Variants in GALR3 observed in about 807,000 individuals in gnomAD.
GALR3 encodes the protein galanin receptor type 3.
Under a neutral mutation model 6.9 loss-of-function variants are expected in GALR3, and 5 were observed. The observed-to-expected ratio is 0.72, with a 90% CI of 0.38 to 1.52. The LOEUF is 1.52. Ranked by LOEUF, GALR3 falls within the 40% of genes most tolerant of loss-of-function variation. The pLI is 0.03. For missense variants in GALR3, 570 were observed against 545.6 expected, an observed-to-expected ratio of 1.04 and a Z score of -0.44; for synonymous variants, 308 against 263.6, an observed-to-expected ratio of 1.17 and a Z score of -1.63.
chr22:37,823,440 C>T lies in GALR3; in HGVS notation c.34C>T (p.Pro12Ser). 6.2e-7 allele frequency: 1 copy of T among 1,608,640 alleles called. No homozygotes were observed. The highest frequency in any genetic ancestry group is 8.5e-7 in the Non-Finnish European group (1 of 1,176,432). ...ADAQNISLDS[P>S]GSVGAVAVPV... Reference sequence around the variant, plus strand: ...TGCCCAGAACATTTCACTGGACAGCCCAGGGAGTGTGGGGGCCGTGGCAGT... The same window carrying T: ...TGCCCAGAACATTTCACTGGACAGCTCAGGGAGTGTGGGGGCCGTGGCAGT... Residue 12 changes from proline to serine, a missense_variant, in exon 1 of 2, where the codon CCA becomes TCA. By Grantham distance (74) the Pro-to-Ser change is moderately conservative. Coordinates refer to ENST00000249041, the MANE Select transcript of GALR3 (RefSeq NM_003614.2).
rs1922587000 is a variant in GALR3 at position 37,825,437 on chromosome 22, C to G, written c.1074C>G (p.Val358=). 7.2e-7 allele frequency: 1 copy of G among 1,390,770 alleles called. No homozygotes were observed. Among genetic ancestry groups the G allele is most frequent in the Non-Finnish European group, 9.3e-7 (1 of 1,069,960 alleles). The allele number at this position is 1,390,770 out of a possible 1,614,324, so 86.2% of individuals were successfully genotyped here. ...GCCCGGAGCCCAGGGAGGGACCCGT[C>G]CACGGCGGAGAGGCTGCCCGAGGAC... ...GQGPEPREGP[V]HGGEAARGPE is the part of the protein sequence containing the mutation. Residue 358 remains valine, a synonymous_variant, in exon 2 of 2, where the codon GTC becomes GTG. Transcript: ENST00000249041.
intron 1 of GALR3, among the ~76,000 whole-genome samples, chr22:37,824,339 G>T (rs1273753931): frequency 6.6e-6 from 1 of 151,842 alleles, no homozygotes; most frequent in Non-Finnish European, 1.5e-5. Context: ...CCAAGTGCTG[G>T]GATTACAGGC....
chr22:37,824,272 T>C (rs1318345084), intron 1 of GALR3, among the ~76,000 whole-genome samples: 1 of 152,022 alleles, frequency 6.6e-6, no homozygotes, highest in Non-Finnish European at 1.5e-5. Flanking sequence ...GGTTTTGCCA[T>C]GTTGGACAGG....
At position 37,825,352 on chromosome 22, in the gene GALR3, C is replaced by T. The variant is rs1447606274; in HGVS notation, c.989C>T (p.Pro330Leu). The change falls in exon 2 of 2, where the codon CCA (proline) becomes CTA (leucine). Residue 330 changes from proline to leucine, a missense_variant. Physicochemically the swap from Pro to Leu is moderately conservative, Grantham distance 98. Coordinates refer to ENST00000249041, the MANE Select transcript of GALR3 (RefSeq NM_003614.2). The part of the protein sequence containing the change: ...LRRVRPASSG[P>L]PGCPGDARPS... Reference sequence around the variant, plus strand: ...CGCGTCCGCCCCGCGTCCTCGGGCCCACCCGGCTGCCCCGGAGACGCCCGG... The same window carrying T: ...CGCGTCCGCCCCGCGTCCTCGGGCCTACCCGGCTGCCCCGGAGACGCCCGG... 1.9e-5 allele frequency: 25 copies of T among 1,333,166 alleles called. No individual in the cohort carries two copies. The highest frequency in any genetic ancestry group is 2.1e-5 in the Non-Finnish European group (22 of 1,038,746). 82.6% of individuals were successfully genotyped at this position (1,333,166 alleles called of 1,614,324 possible).
intron 1 of GALR3, 27 bp from the exon 2 acceptor site, chr22:37,824,696 G>A (rs977897951): frequency 9.4e-5 from 112 of 1,186,140 alleles, no homozygotes; most frequent in Middle Eastern, 3.4e-4. Flanking sequence ...GCACCTGCCC[G>A]CCCCGCTGAC....
In GALR3 at chr22:37,825,050, G is replaced by A. The variant is rs899894332; in HGVS notation, c.687G>A (p.Ala229=). 8.8e-7 allele frequency: 1 copy of A among 1,139,824 alleles called. No individual in the cohort carries two copies. 70.6% of individuals were successfully genotyped at this position (1,139,824 alleles called of 1,614,324 possible). A position where few individuals can be genotyped will look rare whatever the true frequency, so the allele number is the denominator to read the frequency against. Residue 229 remains alanine (A), a synonymous_variant, in exon 2 of 2, where the codon GCG becomes GCA. Transcript: ENST00000249041. The part of the protein sequence containing the change: ...GAAAAEARRR[A]TGRAGRAMLA... ...CGGCGGCCGAGGCGCGGCGGAGGGC[G>A]ACGGGCCGCGCGGGGCGCGCCATGC... is the stretch of plus-strand genomic sequence containing the variant.
rs1601710414 is a variant in GALR3 at position 37,825,451 on chromosome 22, C to A, written c.1088C>A (p.Ala363Asp). 2 of 1,377,406 alleles carry A rather than the reference C, an allele frequency of 1.5e-6. No homozygotes were observed. The highest frequency in any genetic ancestry group is 1.6e-5 in the South Asian group (1 of 62,726). 85.3% of individuals were successfully genotyped at this position (1,377,406 alleles called of 1,614,324 possible). The change falls in exon 2 of 2, where the codon GCT (alanine) becomes GAT (aspartate). Residue 363 changes from alanine (A) to aspartate (D), a missense_variant. Ala to Asp is a moderately radical substitution (Grantham distance 126). Coordinates refer to ENST00000249041, the MANE Select transcript of GALR3 (RefSeq NM_003614.2). ...PREGPVHGGEAARGPE is the reference protein window; with the variant it reads ...PREGPVHGGEDARGPE ...GAGGGACCCGTCCACGGCGGAGAGG[C>A]TGCCCGAGGACCGGAATAAACCCTG...
chr22:37,824,870 G>A lies in GALR3; in HGVS notation c.507G>A (p.Leu169=), dbSNP rs1356456779. ...ACGGCACCGTGCGCTACGGCGCGCT[G>A]GAGCTCTGCGTGCCCGCCTGGGAGG... ...SYYGTVRYGA[L]ELCVPAWEDA... The change falls in exon 2 of 2, where the codon CTG becomes CTA. Residue 169 remains leucine (L), a synonymous_variant. Coordinates refer to ENST00000249041, the MANE Select transcript of GALR3 (RefSeq NM_003614.2). 1 of 1,404,202 alleles carries A rather than the reference G, an allele frequency of 7.1e-7. No homozygotes were observed. The highest frequency in any genetic ancestry group is 9.3e-7 in the Non-Finnish European group (1 of 1,074,830). The allele number at this position is 1,404,202 out of a possible 1,614,324, so 87.0% of individuals were successfully genotyped here. A position where few individuals can be genotyped will look rare whatever the true frequency, so the allele number is the denominator to read the frequency against.
chr22:37,824,629 A>G, intron 1 of GALR3, 94 bp from the exon 2 acceptor site: 1 of 705,422 alleles, frequency 1.4e-6, no homozygotes, highest in Non-Finnish European at 1.9e-6. Context: ...GGTTCACAGG[A>G]GGCGCACTGG....
chr22:37,825,270 C>T lies in GALR3; in HGVS notation c.907C>T (p.Arg303Cys). Residue 303 changes from arginine (R) to cysteine (C), a missense_variant, in exon 2 of 2, where the codon CGC (arginine) becomes TGC (cysteine). Arg to Cys is a radical substitution (Grantham distance 180, BLOSUM62 -3). Coordinates refer to ENST00000249041, the MANE Select transcript of GALR3 (RefSeq NM_003614.2). ...LASRHFRARF[R>C]RLWPCGRRRR... ...CTCGCGCCACTTCCGCGCGCGCTTCCGCCGCCTGTGGCCGTGCGGCCGCCG... is the reference window on the plus strand; with the variant it reads ...CTCGCGCCACTTCCGCGCGCGCTTCTGCCGCCTGTGGCCGTGCGGCCGCCG... 1 of 1,394,146 alleles carries T rather than the reference C, an allele frequency of 7.2e-7. No individual in the cohort carries two copies. The highest frequency in any genetic ancestry group is 9.4e-7 in the Non-Finnish European group (1 of 1,065,848). 86.4% of individuals were successfully genotyped at this position (1,394,146 alleles called of 1,614,324 possible).
At position 37,824,791 on chromosome 22, in the gene GALR3, T is replaced by G. The variant is rs1281543754; in HGVS notation, c.428T>G (p.Val143Gly). ...ACGCCGCGTAACGCCCGCGCCGCAGTGGGGCTGGTGTGGCTGCTGGCGGCG... is the reference window on the plus strand; with the variant it reads ...ACGCCGCGTAACGCCCGCGCCGCAGGGGGGCTGGTGTGGCTGCTGGCGGCG... ...LRTPRNARAA[V>G]GLVWLLAALF... Residue 143 changes from valine to glycine, a missense_variant, in exon 2 of 2, where the codon GTG becomes GGG. By Grantham distance (109) the Val-to-Gly change is moderately radical. Transcript: ENST00000249041. The G allele has an allele frequency of 1.5e-6, 2 of 1,332,438 alleles. No individual in the cohort carries two copies. Among genetic ancestry groups the G allele is most frequent in the Non-Finnish European group, 1.9e-6 (2 of 1,040,114 alleles). 82.5% of individuals were successfully genotyped at this position (1,332,438 alleles called of 1,614,324 possible).
rs756678102 is a variant in GALR3, at chr22:37,825,326, T to TCGCGTCCGCCC, written c.971_981dup (p.Ser328AlafsTer?). ...GCCACCGTGCCCGCCGCGCCTTGCG[T>TCGCGTCCGCCC]CGCGTCCGCCCCGCGTCCTCGGGCC... On this transcript the variant is annotated frameshift_variant, in exon 2 of 2. Coordinates refer to ENST00000249041, the MANE Select transcript of GALR3 (RefSeq NM_003614.2). LOFTEE classifies it low-confidence loss of function (END_TRUNC). 2.1e-3 allele frequency: 2,616 copies of TCGCGTCCGCCC among 1,260,242 alleles called. 10 individuals carry two copies. The highest frequency in any genetic ancestry group is 2.5e-3 in the Non-Finnish European group (2,474 of 1,007,686). 78.1% of individuals were successfully genotyped at this position (1,260,242 alleles called of 1,614,324 possible).
chr22:37,824,738 G>A lies in GALR3; in HGVS notation c.375G>A (p.Arg125=). The change falls in exon 2 of 2, where the codon CGG becomes CGA. Residue 125 remains arginine, a synonymous_variant. Coordinates refer to ENST00000249041, the MANE Select transcript of GALR3 (RefSeq NM_003614.2). ...CCCTCCGCAGGTACCTGGCCGTGCGGCACCCGCTGCGCTCGCGCGCCCTGC... is the reference window on the plus strand; with the variant it reads ...CCCTCCGCAGGTACCTGGCCGTGCGACACCCGCTGCGCTCGCGCGCCCTGC... ...AVSVDRYLAV[R]HPLRSRALRT... is the part of the protein sequence containing the mutation. 10 of 1,233,464 alleles carry A rather than the reference G, an allele frequency of 8.1e-6. No individual in the cohort carries two copies. The highest frequency in any genetic ancestry group is 9.1e-6 in the Non-Finnish European group (9 of 987,948). The allele number at this position is 1,233,464 out of a possible 1,614,324, so 76.4% of individuals were successfully genotyped here.
chr22:37,823,786 G>A, intron 1 of GALR3, 21 bp downstream of exon 1: 1 of 1,426,644 alleles, frequency 7.0e-7, no homozygotes, highest in Non-Finnish European at 9.8e-7. Context: ...CCTGGGGCCT[G>A]GCTGGGCAGG....
At position 37,823,394 on chromosome 22, in the gene GALR3, G is replaced by C. The variant is rs201866740; in HGVS notation, c.-13G>C. On this transcript the variant is annotated 5_prime_UTR_variant, in exon 1 of 2. Coordinates refer to ENST00000249041, the MANE Select transcript of GALR3 (RefSeq NM_003614.2). Reference sequence around the variant, plus strand: ...TTCCAGCTTCTCTTCCCAGGTGCCCGTCTGATGGGGAGATGGCTGATGCCC... The same window carrying C: ...TTCCAGCTTCTCTTCCCAGGTGCCCCTCTGATGGGGAGATGGCTGATGCCC... 1.5e-5 allele frequency: 23 copies of C among 1,543,502 alleles called. No individual in the cohort carries two copies. Among genetic ancestry groups the C allele is most frequent in the Non-Finnish European group, 2.0e-5 (23 of 1,136,776 alleles).
Position 37,825,088 on chromosome 22 carries a change from C to G in GALR3, c.725C>G (p.Ala242Gly). ...RAGRAMLAVA[A>G]LYALCWGPHH... The stretch of plus-strand genomic sequence containing the variant: ...GGGCGCGCCATGCTGGCGGTGGCCG[C>G]GCTCTACGCGCTCTGCTGGGGTCCG... Residue 242 changes from alanine to glycine, a missense_variant, in exon 2 of 2, where the codon GCG becomes GGG. By Grantham distance (60) the Ala-to-Gly change is moderately conservative. Coordinates refer to ENST00000249041, the MANE Select transcript of GALR3 (RefSeq NM_003614.2). The G allele has an allele frequency of 2.5e-6, 3 of 1,209,470 alleles. No individual in the cohort carries two copies. The highest frequency in any genetic ancestry group is 6.0e-5 in the South Asian group (2 of 33,396). 74.9% of individuals were successfully genotyped at this position (1,209,470 alleles called of 1,614,324 possible). A position where few individuals can be genotyped will look rare whatever the true frequency, so the allele number is the denominator to read the frequency against.
chr22:37,825,069 G>A lies in GALR3; in HGVS notation c.706G>A (p.Ala236Thr). 8.7e-7 allele frequency: 1 copy of A among 1,145,352 alleles called. No homozygotes were observed. Among genetic ancestry groups the A allele is most frequent in the East Asian group, 4.2e-5 (1 of 23,710 alleles). The allele number at this position is 1,145,352 out of a possible 1,614,324, so 70.9% of individuals were successfully genotyped here. A position where few individuals can be genotyped will look rare whatever the true frequency, so the allele number is the denominator to read the frequency against. The change falls in exon 2 of 2, where the codon GCC (alanine) becomes ACC (threonine). Residue 236 changes from alanine to threonine, a missense_variant. By Grantham distance (58) the Ala-to-Thr change is moderately conservative. Transcript: ENST00000249041. Reference sequence around the variant, plus strand: ...GAGGGCGACGGGCCGCGCGGGGCGCGCCATGCTGGCGGTGGCCGCGCTCTA... The same window carrying A: ...GAGGGCGACGGGCCGCGCGGGGCGCACCATGCTGGCGGTGGCCGCGCTCTA... ...RRRATGRAGR[A>T]MLAVAALYAL...
In GALR3 at chr22:37,825,239, G is replaced by A; in HGVS notation, c.876G>A (p.Ala292=). The change falls in exon 2 of 2, where the codon GCG becomes GCA. Residue 292 remains alanine (A), a synonymous_variant. Coordinates refer to ENST00000249041, the MANE Select transcript of GALR3 (RefSeq NM_003614.2). The part of the protein sequence containing the change: ...ANSCLNPLVY[A]LASRHFRARF... ...CCTGCCTCAACCCGCTCGTCTACGC[G>A]CTCGCCTCGCGCCACTTCCGCGCGC... is the stretch of plus-strand genomic sequence containing the variant. 2.1e-6 allele frequency: 3 copies of A among 1,458,402 alleles called. No individual in the cohort carries two copies. The highest frequency in any genetic ancestry group is 2.0e-5 in the Admixed American group (1 of 48,832). 90.3% of individuals were successfully genotyped at this position (1,458,402 alleles called of 1,614,324 possible). A position where few individuals can be genotyped will look rare whatever the true frequency, so the allele number is the denominator to read the frequency against.
intron 1 of GALR3, 22 bp downstream of exon 1, chr22:37,823,787 G>C: frequency 7.0e-7 from 1 of 1,427,272 alleles, no homozygotes; most frequent in East Asian, 2.3e-5. Context: ...CTGGGGCCTG[G>C]CTGGGCAGGG....
Sources: allele counts gnomAD v4.1 joint callset (sites outside exome capture counted in the v4.1 genomes callset), GRCh38; gene constraint gnomAD v4.1.1; transcripts MANE v1.5; gene names NCBI Gene and HGNC (gene_info 2026-07-23, HGNC 2026-07-21).